The following TNS3 variants were observed in gnomAD, a reference collection of about 807,000 sequenced individuals.
The protein encoded by TNS3 is tensin 3.
A neutral mutation model predicts 140.9 loss-of-function variants in TNS3; 45 were observed. That is an observed-to-expected ratio of 0.32 (90% CI 0.25 to 0.41). TNS3 has a LOEUF of 0.41. TNS3 is among the 10% of genes least tolerant of loss of function. TNS3 has a pLI of 1.00. For missense variants in TNS3, 1,716 were observed against 1,906.7 expected, an observed-to-expected ratio of 0.90 and a Z score of 1.86; for synonymous variants, 815 against 788.4, an observed-to-expected ratio of 1.03 and a Z score of -0.56.
intron 3 of TNS3, among the ~76,000 whole-genome samples, chr7:47,491,014 T>C (rs1797793074): frequency 6.6e-6 from 1 of 151,976 alleles, no homozygotes; most frequent in African/African-American, 2.4e-5. Context: ...AATGAGGCCA[T>C]GAGCTGTCAC....
chr7:47,385,597 C>G (rs947665854), intron 16 of TNS3, among the ~76,000 whole-genome samples: 10 of 152,240 alleles, frequency 6.6e-5, no homozygotes, highest in Non-Finnish European at 2.9e-5. Context: ...GAAGGTGACA[C>G]TCTGCCTTCA....
At chr7:47,467,600 T>C (rs930939761) in intron 4 of TNS3, among the ~76,000 whole-genome samples, 1 of 152,122 alleles carries the variant, frequency 6.6e-6, no homozygotes. Flanking sequence ...CACCCAGACT[T>C]GGGTCCCCAG....
At chr7:47,393,181 C>T (rs1018829232) in intron 16 of TNS3, among the ~76,000 whole-genome samples, 11 of 152,284 alleles carry the variant, frequency 7.2e-5, no homozygotes, top group East Asian at 1.9e-4. Flanking sequence ...ACACCAATGA[C>T]GAGTGCTTCA....
At chr7:47,315,132 G>T (rs541318629) in intron 20 of TNS3, among the ~76,000 whole-genome samples, 6 of 152,220 alleles carry the variant, frequency 3.9e-5, no homozygotes, top group Non-Finnish European at 7.3e-5. Context: ...CTGAACAGAC[G>T]CTCCTTTTAG....
At chr7:47,365,318 G>A (rs892516755) in intron 17 of TNS3, among the ~76,000 whole-genome samples, 15 of 152,128 alleles carry the variant, frequency 9.9e-5, no homozygotes, top group African/African-American at 1.4e-4. Flanking sequence ...GGAGGTGCAC[G>A]CCTGTAGTCC....
At chr7:47,394,594 G>A (rs772747199) in intron 16 of TNS3, among the ~76,000 whole-genome samples, 7 of 152,214 alleles carry the variant, frequency 4.6e-5, no homozygotes, top group Non-Finnish European at 1.0e-4. Context: ...TGCGGTGGCT[G>A]AGAGTCTTTA....
At chr7:47,400,628 T>C (rs2470993) in intron 14 of TNS3, among the ~76,000 whole-genome samples, 157 bp downstream of exon 14, 56,340 of 152,010 alleles carry the variant, frequency 0.37, 10,832 homozygotes, top group Non-Finnish European at 0.41. Context: ...ATAATTTTTT[T>C]CCCCCAGGGA....
chr7:47,381,561 C>A (rs1377899544), intron 16 of TNS3, among the ~76,000 whole-genome samples: 1 of 152,178 alleles, frequency 6.6e-6, no homozygotes, highest in Non-Finnish European at 1.5e-5. Context: ...CAGGTTCCCA[C>A]AGCACAATGG....
chr7:47,293,645 T>A, intron 25 of TNS3, 88 bp downstream of exon 25: 2 of 1,136,550 alleles, frequency 1.8e-6, no homozygotes, highest in Non-Finnish European at 2.7e-6. Context: ...ACCATAAGAG[T>A]GATAGTCCCA....
At chr7:47,474,842 C>T (rs1378933154) in intron 4 of TNS3, among the ~76,000 whole-genome samples, 1 of 148,284 alleles carries the variant, frequency 6.7e-6, no homozygotes, top group East Asian at 2.0e-4. Flanking sequence ...ACAGACACAC[C>T]TCACACACAA....
intron 1 of TNS3, among the ~76,000 whole-genome samples, chr7:47,580,788 A>G (rs1784510028): frequency 6.6e-6 from 1 of 152,258 alleles, no homozygotes; most frequent in African/African-American, 2.4e-5. Context: ...TGCACAGACC[A>G]AAGCCTCAAG....
chr7:47,396,744 G>A, intron 16 of TNS3, 56 bp downstream of exon 16: 1 of 1,390,932 alleles, frequency 7.2e-7, no homozygotes, highest in Non-Finnish European at 1.0e-6. Context: ...ATTTGAGTGG[G>A]CTGTCTTCCC....
chr7:47,548,546 A>T (rs1799982151), intron 1 of TNS3, among the ~76,000 whole-genome samples: 1 of 151,848 alleles, frequency 6.6e-6, no homozygotes. Context: ...TGAACACACC[A>T]TCTCCTGATG....
chr7:47,539,905 G>C (rs966732545), intron 1 of TNS3, among the ~76,000 whole-genome samples: 1 of 152,138 alleles, frequency 6.6e-6, no homozygotes, highest in Non-Finnish European at 1.5e-5. Flanking sequence ...ACCCTTCTGA[G>C]TCCTCCCAGA....
rs1032141708 is a variant in TNS3 at position 47,420,208 on chromosome 7, T to C, written c.473+3893A>G. 5.3e-5 allele frequency among the ~76,000 whole-genome samples: 8 copies of C among 152,280 alleles called. No individual in the cohort carries two copies. In the East Asian group the frequency reaches 1.5e-3, roughly 29 times the overall value. The stretch of plus-strand genomic sequence containing the variant: ...AAATATGAAAAATCAAATAATGCCA[T>C]TTTTACAGGCAGTTAGACAGGCATG... On this transcript the variant is annotated intron_variant, in intron 10 of 30. Coordinates refer to ENST00000311160, the MANE Select transcript of TNS3 (RefSeq NM_022748.12).
intron 3 of TNS3, among the ~76,000 whole-genome samples, chr7:47,493,123 T>C (rs535083810): frequency 6.6e-6 from 1 of 152,256 alleles, no homozygotes; most frequent in Admixed American, 6.5e-5. Flanking sequence ...TGCCCAGATC[T>C]CGAATAAAAC....
chr7:47,352,015 C>A (rs936739743), intron 17 of TNS3, among the ~76,000 whole-genome samples: 1 of 152,122 alleles, frequency 6.6e-6, no homozygotes, highest in Non-Finnish European at 1.5e-5. Context: ...TGGTCTCTTA[C>A]ACACATTTTC....
chr7:47,292,933 A>G (rs1235747784), intron 25 of TNS3, 28 bp from the exon 26 acceptor site: 1 of 1,605,460 alleles, frequency 6.2e-7, no homozygotes, highest in East Asian at 2.2e-5. Context: ...AGCAAACAAG[A>G]GTCAACAACT....
intron 17 of TNS3, 87 bp downstream of exon 17, chr7:47,368,278 G>A (rs556906269): frequency 3.1e-6 from 4 of 1,297,668 alleles, no homozygotes; most frequent in African/African-American, 1.5e-5. Flanking sequence ...TTCGCCAAAA[G>A]CTAACCTACT....
Sources: gnomAD v4.1 joint callset for allele counts (sites outside exome capture counted in the v4.1 genomes callset) on GRCh38, gnomAD v4.1.1 for gene constraint, MANE v1.5 for transcripts, NCBI Gene and HGNC (gene_info 2026-07-23, HGNC 2026-07-21) for gene names.